Variants in ADAMTS16 observed in about 807,000 individuals in gnomAD.
The protein encoded by ADAMTS16 is A disintegrin and metalloproteinase with thrombospondin motifs 16.
A neutral mutation model predicts 145.8 loss-of-function variants in ADAMTS16; 94 were observed. The ratio of observed to expected loss-of-function variants is 0.64; its 90% CI spans 0.55 to 0.77. The LOEUF (loss-of-function observed/expected upper bound fraction) is 0.77. ADAMTS16 is among the 30% of genes least tolerant of loss of function. The pLI, the probability that ADAMTS16 is intolerant of heterozygous loss-of-function variation, is 0.00. For missense variants in ADAMTS16, 1,585 were observed against 1,591.5 expected, an observed-to-expected ratio of 1.00 and a Z score of 0.07; for synonymous variants, 659 against 604.3, an observed-to-expected ratio of 1.09 and a Z score of -1.33.
In ADAMTS16 at chr5:5,146,510, A is replaced by G; in HGVS notation, c.501+55A>G. 5.3e-6 allele frequency: 8 copies of G among 1,514,768 alleles called. No homozygotes were observed. In the South Asian group the frequency reaches 9.8e-5, roughly 19 times the overall value. 93.8% of individuals were successfully genotyped at this position (1,514,768 alleles called of 1,614,324 possible). A position where few individuals can be genotyped will look rare whatever the true frequency, so the allele number is the denominator to read the frequency against. On this transcript the variant is annotated intron_variant, in intron 3 of 22. Transcript: ENST00000274181. Reference sequence around the variant, plus strand: ...GGCGAGGTTGGTGATGGTGGAAAGGAGAGCGTAACCAGGACTTTCCCTCGA... The same window carrying G: ...GGCGAGGTTGGTGATGGTGGAAAGGGGAGCGTAACCAGGACTTTCCCTCGA...
chr5:5,291,198 T>C (rs1042289071), intron 18 of ADAMTS16, among the ~76,000 whole-genome samples: 2 of 149,350 alleles, frequency 1.3e-5, no homozygotes, highest in Admixed American at 6.6e-5. Flanking sequence ...TCTCTGTGAT[T>C]TTTTTTTTAA....
rs1736211918 is a variant in ADAMTS16 at position 5,209,247 on chromosome 5, G to A, written c.1605+1G>A. 3 of 1,613,398 alleles carry A rather than the reference G, an allele frequency of 1.9e-6. No individual in the cohort carries two copies. The highest frequency in any genetic ancestry group is 1.7e-6 in the Non-Finnish European group (2 of 1,179,642). On this transcript the variant is annotated splice_donor_variant, in intron 10 of 22. Transcript: ENST00000274181. LOFTEE classifies it high-confidence loss of function. ...GCTCTGCATGCTGGACTTTAAAAAGGCAAGTGATTATTGGCACATGCTCAA... is the reference window on the plus strand; with the variant it reads ...GCTCTGCATGCTGGACTTTAAAAAGACAAGTGATTATTGGCACATGCTCAA...
At chr5:5,284,718 T>C (rs1382302217) in intron 18 of ADAMTS16, among the ~76,000 whole-genome samples, 2 of 152,244 alleles carry the variant, frequency 1.3e-5, no homozygotes, top group East Asian at 1.9e-4. Context: ...TTTTGTGAAA[T>C]TGATTTGCTT....
chr5:5,318,798 T>A (rs1734159179), intron 22 of ADAMTS16, among the ~76,000 whole-genome samples: 1 of 151,956 alleles, frequency 6.6e-6, no homozygotes, highest in African/African-American at 2.4e-5. Flanking sequence ...GTTGAGTGAG[T>A]GGGGTCAGCA....
chr5:5,266,437 T>C (rs752589910), intron 18 of ADAMTS16, among the ~76,000 whole-genome samples: 2 of 152,016 alleles, frequency 1.3e-5, no homozygotes, highest in Non-Finnish European at 2.9e-5. Context: ...AACGGCAGAG[T>C]GGAGCAACTA....
At chr5:5,198,363 C>T (rs1167708611) in intron 8 of ADAMTS16, among the ~76,000 whole-genome samples, 1 of 152,154 alleles carries the variant, frequency 6.6e-6, no homozygotes, top group African/African-American at 2.4e-5. Context: ...TGGGTGGAGG[C>T]TAAAATGACT....
At chr5:5,162,754 AGAGAAGAGAG>A (rs945061157) in intron 3 of ADAMTS16, among the ~76,000 whole-genome samples, 17 of 127,350 alleles carry the variant, frequency 1.3e-4, no homozygotes, top group East Asian at 8.7e-4. Flanking sequence ...GGAGAAGAGA[AGAGAAGAGAG>A]GAGAGGAGAG....
intron 17 of ADAMTS16, among the ~76,000 whole-genome samples, chr5:5,245,505 A>G (rs1452260715): frequency 2.6e-5 from 4 of 152,182 alleles, no homozygotes; most frequent in African/African-American, 9.7e-5. Context: ...ATATTGTATA[A>G]TTTTTAAGAC....
chr5:5,165,155 A>G (rs1224784843), intron 3 of ADAMTS16, among the ~76,000 whole-genome samples: 1 of 151,492 alleles, frequency 6.6e-6, no homozygotes, highest in Admixed American at 6.6e-5. Flanking sequence ...TCTGCTTCCC[A>G]CCTCCAGTGC....
chr5:5,171,867 G>A (rs1052937152), intron 3 of ADAMTS16, among the ~76,000 whole-genome samples: 1 of 152,054 alleles, frequency 6.6e-6, no homozygotes, highest in Non-Finnish European at 1.5e-5. Context: ...TACATGTTTG[G>A]TAAAATTCAA....
chr5:5,202,958 T>C (rs1736002527), intron 9 of ADAMTS16, among the ~76,000 whole-genome samples: 2 of 152,196 alleles, frequency 1.3e-5, no homozygotes, highest in African/African-American at 4.8e-5. Context: ...AATATAGTCC[T>C]AAGAATGATT....
At chr5:5,157,577 C>T (rs1424590215) in intron 3 of ADAMTS16, among the ~76,000 whole-genome samples, 1 of 152,028 alleles carries the variant, frequency 6.6e-6, no homozygotes, top group East Asian at 1.9e-4. Flanking sequence ...TTTGTACAGC[C>T]CTTAAGACAT....
At chr5:5,153,663 T>TA (rs1734528839) in intron 3 of ADAMTS16, among the ~76,000 whole-genome samples, 1 of 152,202 alleles carries the variant, frequency 6.6e-6, no homozygotes, top group South Asian at 2.1e-4. Context: ...GAGGGTTGTT[T>TA]AAAAATGTTT....
At chr5:5,260,621 T>A (rs1237273586) in intron 17 of ADAMTS16, among the ~76,000 whole-genome samples, 2 of 152,182 alleles carry the variant, frequency 1.3e-5, no homozygotes, top group Non-Finnish European at 2.9e-5. Context: ...CCTCAGGAAA[T>A]GGGTGGTTTG....
rs1734117880 is a variant in ADAMTS16 at position 5,140,373 on chromosome 5, T to C, written c.-95T>C. 4 of 1,265,508 alleles carry C rather than the reference T, an allele frequency of 3.2e-6. No homozygotes were observed. The highest frequency in any genetic ancestry group is 6.2e-5 in the East Asian group (2 of 32,112). 78.4% of individuals were successfully genotyped at this position (1,265,508 alleles called of 1,614,324 possible). A position where few individuals can be genotyped will look rare whatever the true frequency, so the allele number is the denominator to read the frequency against. On this transcript the variant is annotated 5_prime_UTR_variant, in exon 1 of 23. Transcript: ENST00000274181. Reference sequence around the variant, plus strand: ...GCGGCGGAGTCGCTGTGGGGAATCCTCCCGCGCTCTGCCTGGGTCGGGTCC... The same window carrying C: ...GCGGCGGAGTCGCTGTGGGGAATCCCCCCGCGCTCTGCCTGGGTCGGGTCC...
chr5:5,257,119 TCCA>T (rs1737810787), intron 17 of ADAMTS16, among the ~76,000 whole-genome samples: 1 of 152,106 alleles, frequency 6.6e-6, no homozygotes, highest in Non-Finnish European at 1.5e-5. Context: ...GGAAAGTAGG[TCCA>T]TAAAACATCT....
intron 17 of ADAMTS16, 142 bp from the exon 18 acceptor site, chr5:5,262,515 A>G (rs998894563): frequency 4.4e-6 from 5 of 1,124,242 alleles, no homozygotes; most frequent in Non-Finnish European, 6.2e-6. Context: ...TGGAGTATTA[A>G]TAGTTGGCCA....
At chr5:5,232,261 G>A in intron 11 of ADAMTS16, 107 bp from the exon 12 acceptor site, 2 of 1,313,320 alleles carry the variant, frequency 1.5e-6, no homozygotes, top group Non-Finnish European at 2.2e-6. Context: ...GCTAATGTCT[G>A]CATAGTTTAC....
At chr5:5,184,685 G>C (rs1735448257) in intron 4 of ADAMTS16, among the ~76,000 whole-genome samples, 1 of 152,054 alleles carries the variant, frequency 6.6e-6, no homozygotes, top group Non-Finnish European at 1.5e-5. Context: ...GTGATGGTGG[G>C]TGTGCAGCTG....
Sources: gnomAD v4.1 joint callset for allele counts (sites outside exome capture counted in the v4.1 genomes callset) on GRCh38, gnomAD v4.1.1 for gene constraint, MANE v1.5 for transcripts, NCBI Gene and HGNC (gene_info 2026-07-23, HGNC 2026-07-21) for gene names.